SYTL2: variants seen among roughly 807,000 people sequenced by gnomAD.
SYTL2 encodes the protein synaptotagmin-like protein 2.
Under a neutral mutation model 198.7 loss-of-function variants are expected in SYTL2, and 165 were observed. The observed-to-expected ratio is 0.83, with a 90% CI of 0.73 to 0.94. The LOEUF is 0.94. Among genes scored for constraint, SYTL2 ranks in the 40% least tolerant of loss-of-function variants. The pLI is 0.00. For missense variants in SYTL2, 2,835 were observed against 2,582.8 expected, an observed-to-expected ratio of 1.10 and a Z score of -2.12; for synonymous variants, 966 against 917.7, an observed-to-expected ratio of 1.05 and a Z score of -0.95.
chr11:85,727,952 C>A lies in SYTL2; in HGVS notation c.1406G>T (p.Cys469Phe). The A allele has an allele frequency of 6.3e-7, 1 of 1,596,852 alleles. No homozygotes were observed. The highest frequency in any genetic ancestry group is 8.5e-7 in the Non-Finnish European group (1 of 1,174,850). ...CACCTGAGATGGCTCAGGCTCAACA[C>A]AATGAGACAGTTCATCTGCAACATA... is the stretch of plus-strand genomic sequence containing the variant. ...PRSPADELSH[C>F]VEPEPSQVPG... The change falls in exon 8 of 20, where the codon TGT becomes TTT. Residue 469 changes from cysteine (C) to phenylalanine (F), a missense_variant. Cys to Phe is a radical substitution (Grantham distance 205). This residue lies in a region of SYTL2 where 2,645 missense variants were observed against 2,381.7 expected (regional missense o/e 1.11). Coordinates refer to ENST00000359152, the MANE Select transcript of SYTL2 (RefSeq NM_206927.4).
intron 1 of SYTL2, among the ~76,000 whole-genome samples, chr11:85,808,561 G>A (rs2092990845): frequency 6.6e-6 from 1 of 152,174 alleles, no homozygotes; most frequent in Non-Finnish European, 1.5e-5. Flanking sequence ...AATTCAAACA[G>A]TAGTCTAAGC....
At chr11:85,721,995 A>G (rs1381766943) in intron 8 of SYTL2, among the ~76,000 whole-genome samples, 2 of 152,112 alleles carry the variant, frequency 1.3e-5, no homozygotes, top group Admixed American at 6.5e-5. Context: ...CCAAAATTAC[A>G]GTACCCTTAT....
At chr11:85,738,457 G>C (rs950176402) in intron 4 of SYTL2, among the ~76,000 whole-genome samples, 9 of 152,116 alleles carry the variant, frequency 5.9e-5, no homozygotes, top group African/African-American at 2.2e-4. Flanking sequence ...GAGGGAAAGG[G>C]GAGGGAACAG....
chr11:85,808,733 A>G (rs1244246432), intron 1 of SYTL2, among the ~76,000 whole-genome samples: 1 of 152,242 alleles, frequency 6.6e-6, no homozygotes, highest in African/African-American at 2.4e-5. Flanking sequence ...AAAAAATTGC[A>G]TAAGCACAGG....
chr11:85,757,948 C>T lies in SYTL2; in HGVS notation c.-223G>A, dbSNP rs914727991. 8 of 533,104 alleles carry T rather than the reference C, an allele frequency of 1.5e-5. No homozygotes were observed. Among genetic ancestry groups the T allele is most frequent in the African/African-American group, 9.5e-5 (5 of 52,534 alleles). The allele number at this position is 533,104 out of a possible 1,614,324, so 33.0% of individuals were successfully genotyped here. A position where few individuals can be genotyped will look rare whatever the true frequency, so the allele number is the denominator to read the frequency against. On this transcript the variant is annotated 5_prime_UTR_variant, in exon 2 of 20. Coordinates refer to ENST00000359152, the MANE Select transcript of SYTL2 (RefSeq NM_206927.4). ...GAAGTCCTGGTCTGTGGGATAGTGT[C>T]GAGAAGAGGCTCTCAGAAGGATGCT...
intron 13 of SYTL2, among the ~76,000 whole-genome samples, chr11:85,710,439 C>A (rs1487805505): frequency 2.0e-5 from 3 of 152,154 alleles, no homozygotes; most frequent in African/African-American, 7.2e-5. Context: ...ACAGTTTTAT[C>A]ATTTCTTCAG....
intron 1 of SYTL2, among the ~76,000 whole-genome samples, chr11:85,808,021 C>T (rs1269422898): frequency 6.6e-6 from 1 of 151,964 alleles, no homozygotes; most frequent in Admixed American, 6.6e-5. Flanking sequence ...CGCTATATCC[C>T]AAGTTTTGCT....
chr11:85,848,575 T>C, the SYTL2 span, among the ~76,000 whole-genome samples: 3,565 of 152,322 alleles, frequency 0.023, 137 homozygotes, highest in African/African-American at 0.082. Context: ...CGAGTTACTT[T>C]TACAATTTTG....
intron 3 of SYTL2, among the ~76,000 whole-genome samples, chr11:85,746,025 G>A (rs1413189043): frequency 6.6e-6 from 1 of 152,162 alleles, no homozygotes; most frequent in Non-Finnish European, 1.5e-5. Flanking sequence ...AGTAACTCCA[G>A]AGACCATTAA....
rs374778835 is a variant in SYTL2, at chr11:85,724,382, A to G, written c.4976T>C (p.Val1659Ala). 6.3e-7 allele frequency: 1 copy of G among 1,593,222 alleles called. No homozygotes were observed. The highest frequency in any genetic ancestry group is 8.5e-7 in the Non-Finnish European group (1 of 1,171,618). ...AAGTTGTGGGGTTCTAGGGATCTCA[A>G]CTCCACTTCTGGAACCACAAAAATC... ...LVDFCGSRSG[V>A]EIPRTPQLYV... Residue 1659 changes from valine (V) to alanine (A), a missense_variant, in exon 8 of 20, where the codon GTT (valine) becomes GCT (alanine). Physicochemically the swap from Val to Ala is moderately conservative, Grantham distance 64. This residue lies in a region of SYTL2 where 2,645 missense variants were observed against 2,381.7 expected (regional missense o/e 1.11). Transcript: ENST00000359152.
chr11:85,720,652 C>G (rs946425138), intron 9 of SYTL2, among the ~76,000 whole-genome samples: 2 of 152,094 alleles, frequency 1.3e-5, no homozygotes, highest in African/African-American at 4.8e-5. Flanking sequence ...TTTTAGTAAC[C>G]AAATGTAATA....
At chr11:85,729,306 C>T (rs1054393226) in intron 7 of SYTL2, among the ~76,000 whole-genome samples, 5 of 152,198 alleles carry the variant, frequency 3.3e-5, no homozygotes, top group Admixed American at 2.0e-4. Context: ...AGCACCACAT[C>T]GCACTTATTC....
chr11:85,740,500 A>AT (rs2046367656), intron 4 of SYTL2, among the ~76,000 whole-genome samples: 1 of 152,210 alleles, frequency 6.6e-6, no homozygotes, highest in Admixed American at 6.5e-5. Context: ...TCATGTGGTC[A>AT]TATCTTCATA....
At chr11:85,823,418 G>C in the SYTL2 span, among the ~76,000 whole-genome samples, 1 of 152,180 alleles carries the variant, frequency 6.6e-6, no homozygotes, top group Non-Finnish European at 1.5e-5. Context: ...TCTTCAGTCA[G>C]ATACTTTCTA....
the SYTL2 span, among the ~76,000 whole-genome samples, chr11:85,842,526 T>C: frequency 1.3e-5 from 2 of 152,228 alleles, no homozygotes; most frequent in Non-Finnish European, 2.9e-5. Context: ...CGTATCCTGA[T>C]TGGCTTTTCT....
At chr11:85,705,111 C>G in intron 15 of SYTL2, 83 bp from the exon 16 acceptor site, 1 of 1,025,640 alleles carries the variant, frequency 9.8e-7, no homozygotes, top group Non-Finnish European at 1.4e-6. Flanking sequence ...AGAAATTCAT[C>G]TGTATATAGC....
chr11:85,815,819 T>C (rs2093060581), upstream of SYTL2, among the ~76,000 whole-genome samples: 1 of 152,218 alleles, frequency 6.6e-6, no homozygotes. Context: ...TCTCATATAT[T>C]ATAATTTATA....
At chr11:85,755,273 G>A (rs1199390340) in intron 2 of SYTL2, among the ~76,000 whole-genome samples, 1 of 152,114 alleles carries the variant, frequency 6.6e-6, no homozygotes, top group Non-Finnish European at 1.5e-5. Context: ...CCATAGGTCT[G>A]CCATCTATCT....
chr11:85,810,360 A>G (rs975380041), intron 1 of SYTL2, among the ~76,000 whole-genome samples: 3 of 152,062 alleles, frequency 2.0e-5, no homozygotes, highest in African/African-American at 7.2e-5. Context: ...CCCACTTCCT[A>G]TATGCTGGTG....
Sources: allele counts gnomAD v4.1 joint callset (sites outside exome capture counted in the v4.1 genomes callset), GRCh38; gene constraint gnomAD v4.1.1; regional missense constraint gnomAD v4.1.1; transcripts MANE v1.5; gene names NCBI Gene and HGNC (gene_info 2026-07-23, HGNC 2026-07-21).